The following LCK variants were observed in gnomAD, a reference collection of about 807,000 sequenced individuals.
LCK encodes the protein tyrosine-protein kinase Lck.
LCK carries 14 observed loss-of-function variants against 64.6 expected under a neutral mutation model. That is an observed-to-expected ratio of 0.22 (90% CI 0.14 to 0.34). The LOEUF (loss-of-function observed/expected upper bound fraction) is 0.34. Ranked by LOEUF, LCK falls within the 10% of genes least tolerant of loss-of-function variation. LCK has a pLI of 1.00. For missense variants in LCK, 434 were observed against 668.1 expected, an observed-to-expected ratio of 0.65 and a Z score of 3.86; for synonymous variants, 277 against 263.6, an observed-to-expected ratio of 1.05 and a Z score of -0.49.
At chr1:32,277,378 AC>A (rs1640314797) in intron 9 of LCK, among the ~76,000 whole-genome samples, 1 of 151,962 alleles carries the variant, frequency 6.6e-6, no homozygotes, top group African/African-American at 2.4e-5. Context: ...TCAAAGCCCT[AC>A]CTTGATCTCA....
chr1:32,259,626 T>TAAA (rs150762270), intron 1 of LCK, among the ~76,000 whole-genome samples: 6 of 148,122 alleles, frequency 4.1e-5, no homozygotes, highest in African/African-American at 1.3e-4. Context: ...TCTAAAAAAA[T>TAAA]AAAAATAATA....
intron 1 of LCK, among the ~76,000 whole-genome samples, chr1:32,252,961 G>A (rs1639543835): frequency 6.6e-6 from 1 of 152,208 alleles, no homozygotes; most frequent in South Asian, 2.1e-4. Context: ...GTGTGGAGCA[G>A]AGAATGTGCA....
At chr1:32,252,959 C>T (rs1227668862) in intron 1 of LCK, among the ~76,000 whole-genome samples, 3 of 152,130 alleles carry the variant, frequency 2.0e-5, no homozygotes, top group African/African-American at 7.2e-5. Flanking sequence ...TGGTGTGGAG[C>T]AGAGAATGTG....
Position 32,274,728 on chromosome 1 carries a change from A to G in LCK, c.106-9A>G. The G allele has an allele frequency of 1.3e-6, 2 of 1,567,202 alleles. No homozygotes were observed. The highest frequency in any genetic ancestry group is 8.7e-7 in the Non-Finnish European group (1 of 1,153,796). On this transcript the variant is annotated splice_polypyrimidine_tract_variant and intron_variant, in intron 2 of 12. Coordinates refer to ENST00000336890, the MANE Select transcript of LCK (RefSeq NM_005356.5). ...CTTTCTGACCCCACCCTCATCCCCC[A>G]CTCCACAGCTGCTCATCCGAAATGG...
intron 1 of LCK, among the ~76,000 whole-genome samples, chr1:32,258,080 C>T (rs1032158819): frequency 6.6e-6 from 1 of 151,580 alleles, no homozygotes; most frequent in Non-Finnish European, 1.5e-5. Context: ...CCCAGGAGCT[C>T]AAGACCAGCC....
rs1284983863 is a variant in LCK at position 32,285,891 on chromosome 1, A to G, written c.*175A>G. ...GTACACGTGTCCTGTAGTTGCGTGGACTCTGCACATGTCTTGTACATGTGT... is the reference window on the plus strand; with the variant it reads ...GTACACGTGTCCTGTAGTTGCGTGGGCTCTGCACATGTCTTGTACATGTGT... On this transcript the variant is annotated 3_prime_UTR_variant, in exon 13 of 13. Transcript: ENST00000336890. 7.6e-6 allele frequency: 5 copies of G among 655,312 alleles called. No individual in the cohort carries two copies. Among genetic ancestry groups the G allele is most frequent in the Non-Finnish European group, 1.3e-5 (5 of 376,928 alleles). 40.6% of individuals were successfully genotyped at this position (655,312 alleles called of 1,614,324 possible).
Position 32,284,297 on chromosome 1 carries a change from T to G in LCK, c.1328-1217T>G, listed in dbSNP as rs186622335. 2.4e-3 allele frequency among the ~76,000 whole-genome samples: 352 copies of G among 148,380 alleles called. 2 individuals carry two copies. The highest frequency in any genetic ancestry group is 0.017 in the South Asian group (81 of 4,722). ...CTGTGAGATATATATATCTGTGAGA[T>G]ATATATATATCTGTGAGAGATATAT... On this transcript the variant is annotated intron_variant, in intron 12 of 12. Transcript: ENST00000336890.
At chr1:32,284,429 T>C (rs555033078) in intron 12 of LCK, among the ~76,000 whole-genome samples, 1 of 151,872 alleles carries the variant, frequency 6.6e-6, no homozygotes, top group South Asian at 2.1e-4. Flanking sequence ...TGGCACAGTC[T>C]CAGCTCACTA....
chr1:32,262,962 C>T (rs1217033571), intron 1 of LCK, among the ~76,000 whole-genome samples: 2 of 151,400 alleles, frequency 1.3e-5, no homozygotes, highest in Non-Finnish European at 2.9e-5. Flanking sequence ...ACAGGACATT[C>T]TTTTCTCCCA....
At chr1:32,283,197 G>C (rs556775289) in intron 12 of LCK, among the ~76,000 whole-genome samples, 55 of 151,692 alleles carry the variant, frequency 3.6e-4, no homozygotes, top group African/African-American at 1.2e-3. Context: ...GCTGAGACAG[G>C]GGAATCATTT....
intron 12 of LCK, among the ~76,000 whole-genome samples, chr1:32,284,933 A>T (rs781254700): frequency 2.6e-5 from 4 of 152,166 alleles, no homozygotes; most frequent in African/African-American, 7.2e-5. Flanking sequence ...GCAATGTGCT[A>T]TGATTGTGCC....
intron 1 of LCK, among the ~76,000 whole-genome samples, chr1:32,272,636 AGAGAGAGAGAGAGC>A (rs796154234): frequency 0.03 from 4,449 of 149,000 alleles, 238 homozygotes; most frequent in African/African-American, 0.11. Flanking sequence ...AGAGAGAGAG[AGAGAGAGAGAGAGC>A]GAGAGAGCGC....
Position 32,274,727 on chromosome 1 carries a change from C to T in LCK, c.106-10C>T. Reference sequence around the variant, plus strand: ...GCTTTCTGACCCCACCCTCATCCCCCACTCCACAGCTGCTCATCCGAAATG... The same window carrying T: ...GCTTTCTGACCCCACCCTCATCCCCTACTCCACAGCTGCTCATCCGAAATG... On this transcript the variant is annotated splice_polypyrimidine_tract_variant and intron_variant, in intron 2 of 12. Coordinates refer to ENST00000336890, the MANE Select transcript of LCK (RefSeq NM_005356.5). 6.4e-7 allele frequency: 1 copy of T among 1,566,078 alleles called. No individual in the cohort carries two copies. The highest frequency in any genetic ancestry group is 8.7e-7 in the Non-Finnish European group (1 of 1,152,764).
chr1:32,271,016 T>A (rs1557580162), intron 1 of LCK, among the ~76,000 whole-genome samples: 1 of 149,874 alleles, frequency 6.7e-6, no homozygotes, highest in Non-Finnish European at 1.5e-5. Context: ...TTTTTTTTTT[T>A]TTGAGACAGG....
At position 32,280,443 on chromosome 1, in the gene LCK, C is replaced by CTTTT. The variant is rs770430504; in HGVS notation, c.1327+260_1327+263dup. Among the ~76,000 whole-genome samples, 226 of 84,768 alleles carry CTTTT rather than the reference C, an allele frequency of 2.7e-3. 1 individual carries two copies. The highest frequency in any genetic ancestry group is 5.4e-3 in the African/African-American group (98 of 18,272). 55.6% of individuals were successfully genotyped at this position (84,768 alleles called of 152,430 possible). ...TTTCTTTTTCTCTTTTTTTCTTTTT[C>CTTTT]TTTTTTTTTTTTTTTTTTTTTTTTT... On this transcript the variant is annotated intron_variant, in intron 12 of 12. Coordinates refer to ENST00000336890, the MANE Select transcript of LCK (RefSeq NM_005356.5).
chr1:32,262,422 T>C (rs1355458821), intron 1 of LCK, among the ~76,000 whole-genome samples: 1 of 149,134 alleles, frequency 6.7e-6, no homozygotes, highest in East Asian at 2.1e-4. Context: ...AATCTCTTTT[T>C]CTTTTCTTTT....
chr1:32,280,520 A>G (rs184555106), intron 12 of LCK, among the ~76,000 whole-genome samples: 68 of 123,254 alleles, frequency 5.5e-4, no homozygotes, highest in Admixed American at 4.5e-3. Context: ...CAGTGGCGCC[A>G]TCTTGGATCA....
intron 1 of LCK, among the ~76,000 whole-genome samples, chr1:32,260,624 T>C (rs1348733005): frequency 9.2e-5 from 14 of 152,102 alleles, no homozygotes; most frequent in Admixed American, 9.2e-4. Context: ...TGTTGCTTTG[T>C]TTGTTTTGTT....
intron 1 of LCK, among the ~76,000 whole-genome samples, chr1:32,262,442 T>G (rs1049228195): frequency 1.3e-5 from 2 of 149,796 alleles, no homozygotes; most frequent in South Asian, 2.1e-4. Flanking sequence ...TTTTTTTTTT[T>G]GATGGAGTCT....
Sources: allele counts gnomAD v4.1 joint callset (sites outside exome capture counted in the v4.1 genomes callset), GRCh38; gene constraint gnomAD v4.1.1; transcripts MANE v1.5; gene names NCBI Gene and HGNC (gene_info 2026-07-23, HGNC 2026-07-21).